DCP1A: variants seen among roughly 807,000 people sequenced by gnomAD.
DCP1A encodes mRNA-decapping enzyme 1A.
Under a neutral mutation model 58.0 loss-of-function variants are expected in DCP1A, and 20 were observed. That is an observed-to-expected ratio of 0.34 (90% CI 0.24 to 0.50). The LOEUF (loss-of-function observed/expected upper bound fraction) is 0.50. Ranked by LOEUF, DCP1A falls within the 20% of genes least tolerant of loss-of-function variation. The pLI is 0.98. For missense variants in DCP1A, 613 were observed against 712.2 expected (o/e 0.86, Z 1.59); for synonymous variants, 285 against 275.1 (o/e 1.04, Z -0.36).
intron 8 of DCP1A, among the ~76,000 whole-genome samples, chr3:53,289,612 CAA>C (rs782533868): frequency 1.3e-4 from 12 of 91,702 alleles, no homozygotes; most frequent in Non-Finnish European, 1.6e-4. Flanking sequence ...ACTCTGCTTC[CAA>C]AAAAAAAAAA....
intron 3 of DCP1A, among the ~76,000 whole-genome samples, chr3:53,329,822 A>G (rs565266057): frequency 2.6e-5 from 4 of 152,390 alleles, no homozygotes; most frequent in East Asian, 3.9e-4. Context: ...AGGGTGTTAC[A>G]TGAAGGAAAC....
chr3:53,336,661 A>T (rs551110645), intron 3 of DCP1A, among the ~76,000 whole-genome samples: 1 of 152,246 alleles, frequency 6.6e-6, no homozygotes, highest in South Asian at 2.1e-4. Context: ...GCCAGAAGGG[A>T]TCTACATTTG....
At chr3:53,304,424 G>T in intron 5 of DCP1A, 134 bp from the exon 6 acceptor site, 1 of 621,312 alleles carries the variant, frequency 1.6e-6, no homozygotes, top group South Asian at 2.1e-5. Flanking sequence ...CAAAATGTTT[G>T]CTCTGTACTC....
At chr3:53,345,661 A>C (rs1482547580) in intron 1 of DCP1A, among the ~76,000 whole-genome samples, 2 of 152,164 alleles carry the variant, frequency 1.3e-5, no homozygotes, top group Non-Finnish European at 2.9e-5. Context: ...TACTGTAATC[A>C]ACGCATTATT....
chr3:53,290,884 CGG>C, intron 7 of DCP1A, 28 bp from the exon 8 acceptor site: 1 of 1,581,794 alleles, frequency 6.3e-7, no homozygotes, highest in Non-Finnish European at 8.6e-7. Flanking sequence ...AAAAGACAGA[CGG>C]ATATAAGAAG....
chr3:53,328,694 A>T (rs1559701102), intron 3 of DCP1A, among the ~76,000 whole-genome samples: 1 of 152,254 alleles, frequency 6.6e-6, no homozygotes, highest in Non-Finnish European at 1.5e-5. Flanking sequence ...AATACTAAGC[A>T]GCGCCTACAA....
At chr3:53,305,056 C>T (rs1254975310) in intron 5 of DCP1A, among the ~76,000 whole-genome samples, 1 of 152,158 alleles carries the variant, frequency 6.6e-6, no homozygotes, top group Admixed American at 6.5e-5. Flanking sequence ...CTCCCGGCAA[C>T]TAGGTCTATT....
chr3:53,291,590 C>T (rs1333460785), intron 7 of DCP1A, among the ~76,000 whole-genome samples: 2 of 151,994 alleles, frequency 1.3e-5, no homozygotes, highest in African/African-American at 4.8e-5. Flanking sequence ...ATTTTTGCTG[C>T]TGAGTCTGTA....
chr3:53,298,883 T>A (rs1316920370), intron 6 of DCP1A, among the ~76,000 whole-genome samples: 1 of 152,228 alleles, frequency 6.6e-6, no homozygotes, highest in East Asian at 1.9e-4. Flanking sequence ...ACCTTTTCTA[T>A]GGTTAAATAT....
intron 3 of DCP1A, among the ~76,000 whole-genome samples, chr3:53,332,660 C>G (rs530930374): frequency 6.6e-6 from 1 of 151,896 alleles, no homozygotes; most frequent in Non-Finnish European, 1.5e-5. Context: ...GTCAGGAGAT[C>G]GAGACCATCC....
At position 53,338,368 on chromosome 3, in the gene DCP1A, A is replaced by C. The variant is rs543164320; in HGVS notation, c.304+3776T>G. Among the ~76,000 whole-genome samples, 8 of 152,178 alleles carry C rather than the reference A, an allele frequency of 5.3e-5. No individual in the cohort carries two copies. The South Asian group carries it at 1.7e-3, about 32-fold the overall frequency. ...GAGGCTGAGGCGGGAGAATTGCTTGAGCCCAGGAGTTCAAGACCAGCCTGG... is the reference window on the plus strand; with the variant it reads ...GAGGCTGAGGCGGGAGAATTGCTTGCGCCCAGGAGTTCAAGACCAGCCTGG... On this transcript the variant is annotated intron_variant, in intron 3 of 9. Coordinates refer to ENST00000610213, the MANE Select transcript of DCP1A (RefSeq NM_018403.7).
At chr3:53,339,497 C>T (rs1553692320) in intron 3 of DCP1A, among the ~76,000 whole-genome samples, 1 of 152,184 alleles carries the variant, frequency 6.6e-6, no homozygotes, top group Non-Finnish European at 1.5e-5. Flanking sequence ...AAAATATTGA[C>T]ATTTTAATGC....
chr3:53,333,297 T>G (rs56261606), intron 3 of DCP1A, among the ~76,000 whole-genome samples: 2,929 of 152,074 alleles, frequency 0.019, 94 homozygotes, highest in African/African-American at 0.067. Context: ...CCTGCCACCA[T>G]GCCTGGCTAA....
intron 3 of DCP1A, among the ~76,000 whole-genome samples, chr3:53,330,456 G>A (rs138967469): frequency 1.8e-3 from 275 of 151,906 alleles, no homozygotes; most frequent in African/African-American, 4.5e-3. Flanking sequence ...GCTACTCAGG[G>A]CAGTGGCTGA....
intron 2 of DCP1A, among the ~76,000 whole-genome samples, chr3:53,342,712 C>A (rs1173462383): frequency 6.6e-6 from 1 of 152,188 alleles, no homozygotes; most frequent in Non-Finnish European, 1.5e-5. Context: ...TTTCATGAGG[C>A]CTACTTGAAC....
intron 3 of DCP1A, among the ~76,000 whole-genome samples, chr3:53,323,420 G>A (rs1282819635): frequency 6.6e-6 from 1 of 152,154 alleles, no homozygotes; most frequent in Non-Finnish European, 1.5e-5. Flanking sequence ...TCCATATATG[G>A]CAATTACATA....
chr3:53,329,346 T>C, intron 3 of DCP1A: 1 of 398,514 alleles, frequency 2.5e-6, no homozygotes, highest in Non-Finnish European at 4.4e-6. Flanking sequence ...GATCTAATTT[T>C]CATTAAAAGC....
intron 3 of DCP1A, among the ~76,000 whole-genome samples, chr3:53,341,499 A>C (rs2089202638): frequency 1.3e-5 from 2 of 152,100 alleles, no homozygotes; most frequent in Non-Finnish European, 2.9e-5. Flanking sequence ...TTCTTTGTGG[A>C]AAGAATTATC....
At chr3:53,329,286 G>A in intron 3 of DCP1A, 1 of 398,106 alleles carries the variant, frequency 2.5e-6, no homozygotes. Flanking sequence ...TTTCCATTTG[G>A]CAGTGGCATT....
Sources: gnomAD v4.1 joint callset for allele counts (sites outside exome capture counted in the v4.1 genomes callset) on GRCh38, gnomAD v4.1.1 for gene constraint, MANE v1.5 for transcripts, NCBI Gene and HGNC (gene_info 2026-07-23, HGNC 2026-07-21) for gene names.